CFAP210: variants seen among roughly 807,000 people sequenced by gnomAD.
CFAP210 encodes cilia and flagella associated protein 210.
the CFAP210 span, among the ~76,000 whole-genome samples, chr2:169,663,802 A>G: frequency 6.6e-6 from 1 of 151,920 alleles, no homozygotes; most frequent in African/African-American, 2.4e-5. Context: ...ATAATAAAAA[A>G]AAAAAACCAA....
chr2:169,671,832 C>T, the CFAP210 span, among the ~76,000 whole-genome samples: 9 of 152,082 alleles, frequency 5.9e-5, no homozygotes, highest in Non-Finnish European at 1.3e-4. Context: ...TAGAATAGTG[C>T]CTGGCAAAAG....
the CFAP210 span, chr2:169,650,392 T>G: frequency 1.9e-6 from 3 of 1,605,298 alleles, no homozygotes; most frequent in Non-Finnish European, 2.5e-6. Flanking sequence ...CTTTTTCTCT[T>G]TCTCTTTTTT....
chr2:169,664,466 G>T, the CFAP210 span, among the ~76,000 whole-genome samples: 58 of 152,042 alleles, frequency 3.8e-4, no homozygotes, highest in African/African-American at 1.4e-3. Flanking sequence ...GTAATATATT[G>T]CCAGTGACTT....
At chr2:169,676,307 A>G in the CFAP210 span, among the ~76,000 whole-genome samples, 1 of 151,346 alleles carries the variant, frequency 6.6e-6, no homozygotes, top group East Asian at 1.9e-4. Flanking sequence ...ATCATCATTT[A>G]TTATTCATCT....
chr2:169,660,153 C>T, the CFAP210 span, among the ~76,000 whole-genome samples: 1 of 151,878 alleles, frequency 6.6e-6, no homozygotes, highest in African/African-American at 2.4e-5. Context: ...CTTTGGGAGT[C>T]CAAGGCGAGC....
the CFAP210 span, among the ~76,000 whole-genome samples, chr2:169,683,330 C>T: frequency 1.6e-4 from 25 of 152,286 alleles, no homozygotes; most frequent in South Asian, 2.1e-4. Flanking sequence ...CTGTGTCTCC[C>T]GTATCTGGGG....
At chr2:169,660,604 AT>A in the CFAP210 span, among the ~76,000 whole-genome samples, 32,834 of 121,204 alleles carry the variant, frequency 0.27, 3,738 homozygotes, top group South Asian at 0.4. Flanking sequence ...ATATATATAT[AT>A]TTTTTTTTTT....
chr2:169,660,933 C>G, the CFAP210 span: 1 of 459,442 alleles, frequency 2.2e-6, no homozygotes, highest in Non-Finnish European at 4.3e-6. Flanking sequence ...TTATACAACT[C>G]AATGTTCTTC....
At chr2:169,694,345 A>T in the CFAP210 span, 1 of 1,613,138 alleles carries the variant, frequency 6.2e-7, no homozygotes, top group Non-Finnish European at 8.5e-7. Context: ...CTAGATCTGG[A>T]AAAGTGACTG....
chr2:169,681,089 C>G, the CFAP210 span: 6 of 1,613,814 alleles, frequency 3.7e-6, no homozygotes, highest in African/African-American at 8.0e-5. Flanking sequence ...TGCACGGAGG[C>G]ATGCTGCTTC....
At chr2:169,650,379 C>T in the CFAP210 span, 2 of 1,599,998 alleles carry the variant, frequency 1.3e-6, no homozygotes, top group South Asian at 2.3e-5. Flanking sequence ...TTGTTTTTTT[C>T]ATCTTTTTCT....
At chr2:169,666,354 A>C in the CFAP210 span, among the ~76,000 whole-genome samples, 2 of 151,706 alleles carry the variant, frequency 1.3e-5, no homozygotes, top group East Asian at 4.0e-4. Flanking sequence ...AGAAAAAACA[A>C]ACAAACAAAT....
the CFAP210 span, among the ~76,000 whole-genome samples, chr2:169,672,147 A>G: frequency 6.6e-6 from 1 of 152,260 alleles, no homozygotes; most frequent in Non-Finnish European, 1.5e-5. Flanking sequence ...ATTAAACAGA[A>G]TATAGCTTGG....
At chr2:169,685,546 C>T in the CFAP210 span, among the ~76,000 whole-genome samples, 1 of 152,022 alleles carries the variant, frequency 6.6e-6, no homozygotes, top group Admixed American at 6.6e-5. Flanking sequence ...TTCTCCCATT[C>T]GGTGGATGTA....
chr2:169,665,298 G>T, the CFAP210 span, among the ~76,000 whole-genome samples: 11 of 124,718 alleles, frequency 8.8e-5, no homozygotes, highest in Non-Finnish European at 1.6e-4. Context: ...TTTAAAAACT[G>T]TTTTTTGAGA....
At chr2:169,684,939 A>T in the CFAP210 span, among the ~76,000 whole-genome samples, 1 of 152,216 alleles carries the variant, frequency 6.6e-6, no homozygotes, top group Non-Finnish European at 1.5e-5. Context: ...TACAGGTGTG[A>T]GCAACCATGC....
the CFAP210 span, chr2:169,654,075 CTGTG>C: frequency 6.2e-7 from 1 of 1,608,136 alleles, no homozygotes; most frequent in South Asian, 1.1e-5. Context: ...TAAAGCCTAC[CTGTG>C]TGTTTCAGCC....
the CFAP210 span, among the ~76,000 whole-genome samples, chr2:169,689,753 C>T: frequency 1.3e-5 from 2 of 152,176 alleles, no homozygotes; most frequent in Non-Finnish European, 2.9e-5. Flanking sequence ...AGGTCTCCTT[C>T]ATCAGGTTAA....
the CFAP210 span, chr2:169,650,485 G>T: frequency 1.3e-6 from 2 of 1,586,864 alleles, no homozygotes; most frequent in Non-Finnish European, 1.7e-6. Flanking sequence ...GTTCACTCAG[G>T]AAGTTATGTA....
Sources: allele counts gnomAD v4.1 joint callset (sites outside exome capture counted in the v4.1 genomes callset), GRCh38; gene constraint gnomAD v4.1.1; transcripts MANE v1.5; gene names NCBI Gene and HGNC (gene_info 2026-07-23, HGNC 2026-07-21).